The following FYB1 variants were observed in gnomAD, a reference collection of about 807,000 sequenced individuals.
The protein encoded by FYB1 is FYN-binding protein 1.
In FYB1, 41 loss-of-function variants were observed where a neutral mutation model predicts 94.1. The ratio of observed to expected loss-of-function variants is 0.44; its 90% CI spans 0.34 to 0.57. The LOEUF is 0.57. FYB1 is among the 20% of genes least tolerant of loss of function. The probability of loss-of-function intolerance (pLI) is 0.02; values close to 1 mark genes in which losing one functional copy is unlikely to be tolerated. For synonymous variants in FYB1, 367 were observed against 353.2 expected (o/e 1.04, Z -0.44); for missense variants, 1,050 against 976.8 (o/e 1.07, Z -1.00).
intron 2 of FYB1, among the ~76,000 whole-genome samples, chr5:39,174,565 C>CTT (rs1207581243): frequency 6.6e-6 from 1 of 152,148 alleles, no homozygotes; most frequent in Non-Finnish European, 1.5e-5. Context: ...AACACTCTCC[C>CTT]TTTTTATCAA....
chr5:39,118,837 T>G, intron 16 of FYB1, 37 bp downstream of exon 16: 1 of 1,279,112 alleles, frequency 7.8e-7, no homozygotes, highest in Non-Finnish European at 1.0e-6. Flanking sequence ...TGGAGTGACA[T>G]ATATATGCAC....
At chr5:39,122,230 G>A (rs1047376432) in intron 14 of FYB1, 106 bp downstream of exon 14, 7 of 717,558 alleles carry the variant, frequency 9.8e-6, no homozygotes, top group South Asian at 3.4e-5. Flanking sequence ...AGAGCCAACA[G>A]GATCGCACAC....
intron 3 of FYB1, among the ~76,000 whole-genome samples, chr5:39,141,646 C>A (rs961106529): frequency 6.6e-6 from 1 of 151,984 alleles, no homozygotes; most frequent in Non-Finnish European, 1.5e-5. Flanking sequence ...TAGGTTGGTG[C>A]AAAAGTAATT....
In FYB1 at chr5:39,199,284, C is replaced by T. The variant is rs188584803; in HGVS notation, c.1135+2542G>A. On this transcript the variant is annotated intron_variant, in intron 2 of 18. Transcript: ENST00000512982. ...ACTTTCTAATTCTGATATATTTTAA[C>T]CTTCCTAAATGAAATGGTAAATTAC... Among the ~76,000 whole-genome samples the T allele has an allele frequency of 2.8e-3, 424 of 152,150 alleles. 1 individual carries two copies. Among genetic ancestry groups the T allele is most frequent in the Non-Finnish European group, 3.7e-3 (250 of 67,980 alleles).
intron 1 of FYB1, among the ~76,000 whole-genome samples, chr5:39,265,313 C>T (rs897134284): frequency 6.6e-6 from 1 of 151,962 alleles, no homozygotes; most frequent in Non-Finnish European, 1.5e-5. Context: ...AACCCCATCT[C>T]TACTAAAAAA....
At chr5:39,185,613 T>TATATATACATATATAC (rs1554034801) in intron 2 of FYB1, among the ~76,000 whole-genome samples, 1 of 145,930 alleles carries the variant, frequency 6.9e-6, no homozygotes, top group Admixed American at 6.9e-5. Context: ...TATACACATA[T>TATATATACATATATAC]ATATATATAC....
chr5:39,261,280 T>G (rs540871976), intron 1 of FYB1, among the ~76,000 whole-genome samples: 1 of 143,508 alleles, frequency 7.0e-6, no homozygotes, highest in East Asian at 2.0e-4. Context: ...GTTCTGCACA[T>G]GTATCTCCGA....
At chr5:39,127,173 G>A (rs1395399489) in intron 11 of FYB1, among the ~76,000 whole-genome samples, 2 of 148,344 alleles carry the variant, frequency 1.3e-5, no homozygotes, top group Non-Finnish European at 3.0e-5. Context: ...TTTATAAATT[G>A]TTATAATTAT....
chr5:39,128,632 AG>A (rs908835390), intron 10 of FYB1, among the ~76,000 whole-genome samples: 3 of 152,148 alleles, frequency 2.0e-5, no homozygotes, highest in Non-Finnish European at 4.4e-5. Flanking sequence ...ATTGGAGTGG[AG>A]TCACCATACC....
chr5:39,159,256 T>G (rs1002096760), intron 2 of FYB1, among the ~76,000 whole-genome samples: 2 of 152,242 alleles, frequency 1.3e-5, no homozygotes, highest in Non-Finnish European at 2.9e-5. Flanking sequence ...GGCTGGCAAC[T>G]CGGCATATAG....
At chr5:39,109,399 T>A (rs1414086284) in intron 17 of FYB1, among the ~76,000 whole-genome samples, 1 of 152,132 alleles carries the variant, frequency 6.6e-6, no homozygotes, top group Non-Finnish European at 1.5e-5. Context: ...AATCAGCCTG[T>A]AATAATCACT....
At chr5:39,177,227 G>C (rs1360737994) in intron 2 of FYB1, among the ~76,000 whole-genome samples, 1 of 152,200 alleles carries the variant, frequency 6.6e-6, no homozygotes, top group Admixed American at 6.5e-5. Flanking sequence ...CCTGAGGGCT[G>C]TGGCTAACCT....
chr5:39,126,856 C>T (rs550128095), intron 11 of FYB1, among the ~76,000 whole-genome samples: 12 of 151,484 alleles, frequency 7.9e-5, no homozygotes, highest in Non-Finnish European at 1.3e-4. Flanking sequence ...ATCAGAAGTT[C>T]GAGACCAGCC....
rs1760333660 is a variant in FYB1 at position 39,105,674 on chromosome 5, G to A, written c.*1769C>T. On this transcript the variant is annotated 3_prime_UTR_variant, in exon 19 of 19. Transcript: ENST00000512982. ...AAAACTTCAGCATAAAAACTATCCT[G>A]TCTGTGTATTATATATATTTATTAC... 6.6e-6 allele frequency: 1 copy of A among 152,012 alleles called. No homozygotes were observed. The highest frequency in any genetic ancestry group is 6.6e-5 in the Admixed American group (1 of 15,246). 9.4% of individuals were successfully genotyped at this position (152,012 alleles called of 1,614,324 possible).
At chr5:39,144,243 A>C (rs1414345852) in intron 3 of FYB1, among the ~76,000 whole-genome samples, 2 of 152,200 alleles carry the variant, frequency 1.3e-5, no homozygotes, top group African/African-American at 4.8e-5. Flanking sequence ...TCACATCAAA[A>C]AAGGAGAGTC....
intron 3 of FYB1, among the ~76,000 whole-genome samples, chr5:39,150,209 G>GGA (rs1234651467): frequency 2.0e-5 from 3 of 152,064 alleles, no homozygotes; most frequent in East Asian, 1.9e-4. Context: ...TGGGAAATCA[G>GGA]GAGAGAGAGA....
In FYB1 at chr5:39,137,725, G is replaced by C; in HGVS notation, c.1395-5C>G. ...TCTCTTTCTTTGGATGCTTCTCTGT[G>C]AGTAAAAATTGTTAGGTTGTTTTCA... On this transcript the variant is annotated splice_polypyrimidine_tract_variant and splice_region_variant and intron_variant, in intron 6 of 18. Transcript: ENST00000512982. 6.5e-7 allele frequency: 1 copy of C among 1,550,340 alleles called. No individual in the cohort carries two copies. Among genetic ancestry groups the C allele is most frequent in the African/African-American group, 1.4e-5 (1 of 72,920 alleles).
intron 2 of FYB1, among the ~76,000 whole-genome samples, chr5:39,163,881 A>G (rs1744485218): frequency 6.6e-6 from 1 of 152,198 alleles, no homozygotes; most frequent in Admixed American, 6.5e-5. Context: ...AGTTATTTTA[A>G]AAGTGTACTA....
At chr5:39,165,522 TG>T (rs1286179555) in intron 2 of FYB1, among the ~76,000 whole-genome samples, 1 of 152,210 alleles carries the variant, frequency 6.6e-6, no homozygotes, top group Non-Finnish European at 1.5e-5. Flanking sequence ...ATGTAAGATC[TG>T]AAGCTATAAA....
Sources: allele counts gnomAD v4.1 joint callset (sites outside exome capture counted in the v4.1 genomes callset), GRCh38; gene constraint gnomAD v4.1.1; transcripts MANE v1.5; gene names NCBI Gene and HGNC (gene_info 2026-07-23, HGNC 2026-07-21).